Variants in LNPK observed in about 807,000 individuals in gnomAD.
LNPK encodes the protein lunapark, ER junction formation factor.
Under a neutral mutation model 55.2 loss-of-function variants are expected in LNPK, and 29 were observed. The observed-to-expected ratio is 0.53, with a 90% confidence interval of 0.39 to 0.72. LNPK has a LOEUF of 0.72. Among genes scored for constraint, LNPK ranks in the 30% least tolerant of loss-of-function variants. The pLI is 0.00. For synonymous variants in LNPK, 162 were observed against 168.2 expected, an observed-to-expected ratio of 0.96 and a Z score of 0.29; for missense variants, 467 against 494.8, an observed-to-expected ratio of 0.94 and a Z score of 0.53.
chr2:175,996,980 G>T (rs1056640939), intron 1 of LNPK, among the ~76,000 whole-genome samples: 3 of 152,074 alleles, frequency 2.0e-5, no homozygotes, highest in African/African-American at 4.8e-5. Context: ...CCCCAAAAAG[G>T]TTACCTATGT....
chr2:175,974,380 G>T (rs1686793136), intron 5 of LNPK, among the ~76,000 whole-genome samples: 1 of 152,106 alleles, frequency 6.6e-6, no homozygotes, highest in African/African-American at 2.4e-5. Context: ...AACTGCATCG[G>T]TCGTACAACA....
rs755059504 is a variant in LNPK at position 175,927,253 on chromosome 2, A to G, written c.*2714T>C. 1 of 152,266 alleles carries G rather than the reference A, an allele frequency of 6.6e-6. No homozygotes were observed. Among genetic ancestry groups the G allele is most frequent in the South Asian group, 2.1e-4 (1 of 4,832 alleles). 9.4% of individuals were successfully genotyped at this position (152,266 alleles called of 1,614,324 possible). A position where few individuals can be genotyped will look rare whatever the true frequency, so the allele number is the denominator to read the frequency against. Reference sequence around the variant, plus strand: ...GAGAGTTTTCACTGGATTTGGCAACAAAGTATTTATTCACACAATATGCAT... The same window carrying G: ...GAGAGTTTTCACTGGATTTGGCAACGAAGTATTTATTCACACAATATGCAT... On this transcript the variant is annotated 3_prime_UTR_variant, in exon 13 of 13. Coordinates refer to ENST00000272748, the MANE Select transcript of LNPK (RefSeq NM_030650.3).
chr2:175,952,500 T>C (rs990491181), intron 8 of LNPK, among the ~76,000 whole-genome samples: 4 of 152,034 alleles, frequency 2.6e-5, no homozygotes, highest in Non-Finnish European at 4.4e-5. Context: ...AAGACATCTC[T>C]TCCTTCTACT....
intron 9 of LNPK, among the ~76,000 whole-genome samples, chr2:175,944,836 A>G (rs543068822): frequency 6.6e-6 from 1 of 152,338 alleles, no homozygotes; most frequent in Non-Finnish European, 1.5e-5. Flanking sequence ...AAAGGCTATT[A>G]CCATCTATAA....
intron 12 of LNPK, among the ~76,000 whole-genome samples, chr2:175,930,433 CATAA>C (rs1358581826): frequency 1.3e-5 from 2 of 151,788 alleles, no homozygotes; most frequent in East Asian, 3.9e-4. Flanking sequence ...GAAAAAAACC[CATAA>C]ATATACTTTT....
intron 3 of LNPK, 37 bp downstream of exon 3, chr2:175,993,144 TA>T: frequency 7.8e-7 from 1 of 1,288,986 alleles, no homozygotes; most frequent in Admixed American, 2.2e-5. Flanking sequence ...ACTTAATACC[TA>T]AAATGAATTA....
At chr2:175,953,836 T>C (rs545404479) in intron 8 of LNPK, among the ~76,000 whole-genome samples, 91 of 152,026 alleles carry the variant, frequency 6.0e-4, no homozygotes, top group Non-Finnish European at 9.0e-4. Context: ...AAAGCCTCCA[T>C]TGACTTTATA....
At chr2:175,995,283 G>T (rs542411396) in intron 2 of LNPK, among the ~76,000 whole-genome samples, 20 of 152,048 alleles carry the variant, frequency 1.3e-4, no homozygotes, top group African/African-American at 4.6e-4. Context: ...AAGAAAACAA[G>T]ATAGCCATTT....
In LNPK at chr2:175,969,963, A is replaced by G. The variant is rs1686575425; in HGVS notation, c.357+801T>C. 1.3e-5 allele frequency among the ~76,000 whole-genome samples: 2 copies of G among 152,148 alleles called. 1 individual carries two copies. Among genetic ancestry groups the G allele is most frequent in the East Asian group, 3.8e-4 (2 of 5,202 alleles). On this transcript the variant is annotated intron_variant, in intron 6 of 12. Coordinates refer to ENST00000272748, the MANE Select transcript of LNPK (RefSeq NM_030650.3). ...TAACATTAGTCTTAACCTTCACAAT[A>G]TTGGTTTCTTAATTATTACTTGTTA...
chr2:175,993,663 T>C (rs1170297220), intron 2 of LNPK, among the ~76,000 whole-genome samples: 1 of 151,970 alleles, frequency 6.6e-6, no homozygotes, highest in Admixed American at 6.6e-5. Flanking sequence ...CGTGGTGGCA[T>C]GCGCTTGCAA....
chr2:175,955,912 T>A (rs1214814882), intron 8 of LNPK, among the ~76,000 whole-genome samples: 6 of 152,164 alleles, frequency 3.9e-5, no homozygotes, highest in Admixed American at 6.5e-5. Flanking sequence ...TTAGTAAAGG[T>A]GCAGGGCTGA....
At chr2:175,973,632 A>G (rs1356189881) in intron 5 of LNPK, among the ~76,000 whole-genome samples, 1 of 152,210 alleles carries the variant, frequency 6.6e-6, no homozygotes, top group Non-Finnish European at 1.5e-5. Context: ...ACTTCACTGA[A>G]AATATTCTCA....
At position 175,970,504 on chromosome 2, in the gene LNPK, G is replaced by GGCCTCCAATATGACTCATTTAC. The variant is rs542894410; in HGVS notation, c.357+238_357+259dup. ...ATTTTTACCCTCTCTGCCTCATTTA[G>GGCCTCCAATATGACTCATTTAC]GCCTCCAATATGACTCATTTACTTA... On this transcript the variant is annotated intron_variant, in intron 6 of 12. Coordinates refer to ENST00000272748, the MANE Select transcript of LNPK (RefSeq NM_030650.3). Among the ~76,000 whole-genome samples, 753 of 151,936 alleles carry GGCCTCCAATATGACTCATTTAC rather than the reference G, an allele frequency of 5.0e-3. 7 individuals are homozygous for GGCCTCCAATATGACTCATTTAC. Among genetic ancestry groups the GGCCTCCAATATGACTCATTTAC allele is most frequent in the African/African-American group, 0.016 (655 of 41,408 alleles).
In LNPK at chr2:175,925,830, A is replaced by C. The variant is rs1683989417; in HGVS notation, c.*4137T>G. ...CAGGCATGCACCACCACGCCTGGCT[A>C]ATTTTGTATTTTTAGTAGAGATAGT... On this transcript the variant is annotated 3_prime_UTR_variant, in exon 13 of 13. Transcript: ENST00000272748. 6.6e-6 allele frequency: 1 copy of C among 151,806 alleles called. No homozygotes were observed. Among genetic ancestry groups the C allele is most frequent in the African/African-American group, 2.4e-5 (1 of 41,246 alleles). The allele number at this position is 151,806 out of a possible 1,614,324, so 9.4% of individuals were successfully genotyped here.
intron 12 of LNPK, among the ~76,000 whole-genome samples, chr2:175,932,905 G>A (rs1231682470): frequency 1.3e-5 from 2 of 152,058 alleles, no homozygotes; most frequent in Non-Finnish European, 2.9e-5. Context: ...AATACTATAA[G>A]AGAAACCAGG....
Position 175,937,372 on chromosome 2 carries a change from C to T in LNPK, c.1026G>A (p.Val342=). 1 of 1,613,530 alleles carries T rather than the reference C, an allele frequency of 6.2e-7. No individual in the cohort carries two copies. The highest frequency in any genetic ancestry group is 1.7e-4 in the Middle Eastern group (1 of 6,060). ...SSVGPLPSGS[V]LSSDNQFNEE... ...CATTAAACTGGTTGTCTGATGAAAG[C>T]ACACTTCCTGATGGCAAGGGACCAA... Residue 342 remains valine (V), a synonymous_variant, in exon 12 of 13, where the codon GTG becomes GTA. Coordinates refer to ENST00000272748, the MANE Select transcript of LNPK (RefSeq NM_030650.3).
chr2:175,951,596 T>TCTATATAG lies in LNPK; in HGVS notation c.494-3905_494-3904insCTATATAG, dbSNP rs1287228037. 4.0e-3 allele frequency among the ~76,000 whole-genome samples: 459 copies of TCTATATAG among 114,260 alleles called. 7 individuals carry two copies. Among genetic ancestry groups the TCTATATAG allele is most frequent in the African/African-American group, 0.014 (435 of 32,132 alleles). 75.0% of individuals were successfully genotyped at this position (114,260 alleles called of 152,430 possible). On this transcript the variant is annotated intron_variant, in intron 8 of 12. Transcript: ENST00000272748. ...GTATTCCATCATTCATATATATATA[T>TCTATATAG]ATATATATATATATCTCAGTTTCTT... is the stretch of plus-strand genomic sequence containing the variant.
intron 8 of LNPK, among the ~76,000 whole-genome samples, chr2:175,949,339 A>G (rs1685293104): frequency 6.6e-6 from 1 of 152,120 alleles, no homozygotes; most frequent in South Asian, 2.1e-4. Flanking sequence ...GTTGCATATT[A>G]GGAAAGCCAT....
chr2:175,972,480 G>C (rs1483933838), intron 5 of LNPK, among the ~76,000 whole-genome samples: 1 of 152,042 alleles, frequency 6.6e-6, no homozygotes, highest in Middle Eastern at 3.2e-3. Context: ...TTCAGATTTT[G>C]AATTTTCAGA....
Sources: gnomAD v4.1 joint callset for allele counts (sites outside exome capture counted in the v4.1 genomes callset) on GRCh38, gnomAD v4.1.1 for gene constraint, MANE v1.5 for transcripts, NCBI Gene and HGNC (gene_info 2026-07-23, HGNC 2026-07-21) for gene names.